The following PSPC1 variants were observed in gnomAD, a reference collection of about 807,000 sequenced individuals.
The protein encoded by PSPC1 is paraspeckle protein 1.
PSPC1 carries 14 observed loss-of-function variants against 51.6 expected under a neutral mutation model. The ratio of observed to expected loss-of-function variants is 0.27; its 90% confidence interval spans 0.18 to 0.42. The LOEUF (loss-of-function observed/expected upper bound fraction) is 0.42, where lower values mean the gene tolerates loss of function less well. Among genes scored for constraint, PSPC1 ranks in the 10% least tolerant of loss-of-function variants. PSPC1 has a pLI of 1.00. For missense variants in PSPC1, 406 were observed against 701.1 expected (o/e 0.58, Z 4.75); for synonymous variants, 193 against 231.9 (o/e 0.83, Z 1.53).
chr13:19,703,416 T>A, intron 8 of PSPC1, 56 bp from the exon 9 acceptor site: 1 of 1,352,788 alleles, frequency 7.4e-7, no homozygotes, highest in South Asian at 1.5e-5. Flanking sequence ...ACACGCCAAA[T>A]ATAAGTGACA....
At chr13:19,715,768 C>A (rs570779085) in intron 6 of PSPC1, among the ~76,000 whole-genome samples, 2 of 152,200 alleles carry the variant, frequency 1.3e-5, no homozygotes, top group Admixed American at 1.3e-4. Context: ...AATCCCAGCA[C>A]TTTGGGAGGC....
chr13:19,730,985 A>G (rs1196018492), intron 5 of PSPC1, among the ~76,000 whole-genome samples: 14 of 148,846 alleles, frequency 9.4e-5, no homozygotes, highest in African/African-American at 1.7e-4. Flanking sequence ...AAAAACAGAA[A>G]AAGTCTGAGA....
At chr13:19,762,340 G>T (rs1333738496) in intron 2 of PSPC1, among the ~76,000 whole-genome samples, 1 of 151,388 alleles carries the variant, frequency 6.6e-6, no homozygotes, top group Non-Finnish European at 1.5e-5. Context: ...CGTGGATCAC[G>T]AGGTCAGGAG....
At chr13:19,738,605 C>T (rs930823183) in intron 5 of PSPC1, among the ~76,000 whole-genome samples, 1 of 152,148 alleles carries the variant, frequency 6.6e-6, no homozygotes, top group Admixed American at 6.6e-5. Flanking sequence ...TTATACTGCA[C>T]GGTTTAGAGA....
intron 7 of PSPC1, among the ~76,000 whole-genome samples, chr13:19,707,400 T>C (rs556253347): frequency 6.6e-6 from 1 of 152,328 alleles, no homozygotes; most frequent in South Asian, 2.1e-4. Context: ...AGCATTATAA[T>C]GTAGGTTTCG....
In PSPC1 at chr13:19,782,779, A is replaced by G; in HGVS notation, c.-22T>C. 7.2e-6 allele frequency: 11 copies of G among 1,521,472 alleles called. No homozygotes were observed. The highest frequency in any genetic ancestry group is 9.5e-6 in the Non-Finnish European group (11 of 1,151,910). 94.2% of individuals were successfully genotyped at this position (1,521,472 alleles called of 1,614,324 possible). A position where few individuals can be genotyped will look rare whatever the true frequency, so the allele number is the denominator to read the frequency against. ...TCATCTTACTGAGTTCGCCTCGGAC[A>G]CCGGATACAGGCCTAGATTTATAGA... On this transcript the variant is annotated 5_prime_UTR_variant, in exon 1 of 9. Transcript: ENST00000338910. This position sits in a 1 kb window ranked among gnomAD's most constrained non-coding sequence, Gnocchi z 4.5.
intron 2 of PSPC1, among the ~76,000 whole-genome samples, chr13:19,769,305 C>T (rs1888389634): frequency 6.6e-6 from 1 of 151,914 alleles, no homozygotes; most frequent in Non-Finnish European, 1.5e-5. Flanking sequence ...CCTGTAATCC[C>T]AGCACTTTGG....
chr13:19,683,259 C>T (rs1300594121), intron 6 of PSPC1, among the ~76,000 whole-genome samples: 1 of 151,962 alleles, frequency 6.6e-6, no homozygotes. Context: ...TAAAAACTGC[C>T]CCAAGAGCAT....
intron 1 of PSPC1, among the ~76,000 whole-genome samples, chr13:19,776,500 C>A (rs1055382721): frequency 6.6e-6 from 1 of 151,808 alleles, no homozygotes; most frequent in Non-Finnish European, 1.5e-5. Context: ...AAAATGTGTA[C>A]CCTTTACTAT....
chr13:19,763,088 A>G (rs1887741606), intron 2 of PSPC1, among the ~76,000 whole-genome samples: 1 of 151,722 alleles, frequency 6.6e-6, no homozygotes, highest in Non-Finnish European at 1.5e-5. Flanking sequence ...CTAGGCAACA[A>G]GAGCAAAACT....
intron 2 of PSPC1, among the ~76,000 whole-genome samples, chr13:19,767,483 T>A (rs1013795735): frequency 2.0e-5 from 3 of 152,042 alleles, no homozygotes; most frequent in African/African-American, 7.2e-5. Flanking sequence ...GACAGCACCA[T>A]ACAATAAGCA....
intron 7 of PSPC1, among the ~76,000 whole-genome samples, chr13:19,707,352 T>C (rs1482032613): frequency 6.6e-6 from 1 of 152,194 alleles, no homozygotes; most frequent in Admixed American, 6.5e-5. Context: ...AATTTAAAGA[T>C]ATAAAAAATG....
chr13:19,773,406 C>G (rs949390585), intron 1 of PSPC1, among the ~76,000 whole-genome samples: 1 of 151,570 alleles, frequency 6.6e-6, no homozygotes, highest in South Asian at 2.1e-4. Flanking sequence ...CCCGCTACCA[C>G]GCCCAGCTAA....
In PSPC1 at chr13:19,686,412, G is replaced by C. The variant is rs902840170; in HGVS notation, c.1159-8589C>G. Among the ~76,000 whole-genome samples, 38 of 152,052 alleles carry C rather than the reference G, an allele frequency of 2.5e-4. 1 individual carries two copies. Among genetic ancestry groups the C allele is most frequent in the African/African-American group, 9.2e-4 (38 of 41,402 alleles). ...ATTTCAGTAGCAGGGGGTCAATTAG[G>C]AAAAGAAGGTCTAAAAGGCCTTCTG... On this transcript the variant is annotated intron_variant and NMD_transcript_variant, in intron 6 of 7. Transcript: ENST00000471658.
chr13:19,737,065 C>G (rs186221256), intron 5 of PSPC1: 6 of 152,200 alleles, frequency 3.9e-5, no homozygotes, highest in Admixed American at 3.9e-4. Flanking sequence ...GAGTTTTTAC[C>G]TACTCCATTT....
In PSPC1 at chr13:19,768,419, G is replaced by A. The variant is rs1033574696; in HGVS notation, c.674+3823C>T. Among the ~76,000 whole-genome samples, 10 of 151,252 alleles carry A rather than the reference G, an allele frequency of 6.6e-5. No homozygotes were observed. In the East Asian group the frequency reaches 9.8e-4, roughly 15 times the overall value. ...TCCCAGCACTTTGGGAGGCTGAGGC[G>A]GGCGGATCACAAGGTCAGGATATCG... On this transcript the variant is annotated intron_variant, in intron 2 of 8. Transcript: ENST00000338910.
chr13:19,726,843 C>T (rs1255440525), intron 6 of PSPC1, among the ~76,000 whole-genome samples: 1 of 152,220 alleles, frequency 6.6e-6, no homozygotes, highest in Non-Finnish European at 1.5e-5. Context: ...TGGAATGCCT[C>T]TGACAAGCAA....
At chr13:19,677,148 G>A (rs1366036240) in intron 7 of PSPC1, among the ~76,000 whole-genome samples, 2 of 151,230 alleles carry the variant, frequency 1.3e-5, no homozygotes, top group Non-Finnish European at 1.5e-5. Context: ...CAGGAGAATG[G>A]CATGAACCCG....
chr13:19,755,632 T>A (rs1194171562), intron 3 of PSPC1, among the ~76,000 whole-genome samples: 1 of 151,804 alleles, frequency 6.6e-6, no homozygotes, highest in Non-Finnish European at 1.5e-5. Context: ...TCAACGCTAA[T>A]GCTAATGCTT....
Sources: allele counts gnomAD v4.1 joint callset (sites outside exome capture counted in the v4.1 genomes callset), GRCh38; gene constraint gnomAD v4.1.1; non-coding constraint Gnocchi (gnomAD v3.1); transcripts MANE v1.5; gene names NCBI Gene and HGNC (gene_info 2026-07-23, HGNC 2026-07-21).